Variants in CCSER1 observed in about 807,000 individuals in gnomAD.
CCSER1 encodes serine-rich coiled-coil domain-containing protein 1.
Under a neutral mutation model 82.0 loss-of-function variants are expected in CCSER1, and 41 were observed. The observed-to-expected ratio is 0.50, with a 90% CI of 0.39 to 0.65. The LOEUF is 0.65. CCSER1 is among the 30% of genes least tolerant of loss of function. The pLI, the probability that CCSER1 is intolerant of heterozygous loss-of-function variation, is 0.00. For synonymous variants in CCSER1, 414 were observed against 383.9 expected, an observed-to-expected ratio of 1.08 and a Z score of -0.92; for missense variants, 1,119 against 1,064.2, an observed-to-expected ratio of 1.05 and a Z score of -0.72.
intron 10 of CCSER1, among the ~76,000 whole-genome samples, chr4:91,184,118 C>A (rs780099868): frequency 1.3e-4 from 20 of 152,210 alleles, no homozygotes; most frequent in Non-Finnish European, 2.8e-4. Context: ...GTGATCATAA[C>A]ATTGGAGTAA....
chr4:90,597,550 T>G (rs1783489000), intron 5 of CCSER1, among the ~76,000 whole-genome samples: 1 of 152,058 alleles, frequency 6.6e-6, no homozygotes, highest in African/African-American at 2.4e-5. Flanking sequence ...AAAATACATT[T>G]GACTGTGTAT....
At chr4:90,946,519 T>C (rs1345521560) in intron 9 of CCSER1, among the ~76,000 whole-genome samples, 1 of 151,458 alleles carries the variant, frequency 6.6e-6, no homozygotes, top group African/African-American at 2.4e-5. Context: ...TAATCCCAAC[T>C]ATTCTGGAGG....
At chr4:91,349,429 GT>G (rs35668732) in intron 10 of CCSER1, among the ~76,000 whole-genome samples, 103,370 of 147,842 alleles carry the variant, frequency 0.7, 35,276 homozygotes, top group East Asian at 0.82. Context: ...TGATGTAATG[GT>G]TAAGTTGTAG....
intron 10 of CCSER1, among the ~76,000 whole-genome samples, chr4:91,461,080 TCTCA>T (rs1463012423): frequency 1.3e-5 from 2 of 152,200 alleles, no homozygotes; most frequent in Admixed American, 6.5e-5. Context: ...TTTTGAGTTC[TCTCA>T]CTATCTAGAT....
At chr4:90,802,675 C>T (rs558069893) in intron 7 of CCSER1, among the ~76,000 whole-genome samples, 1 of 152,254 alleles carries the variant, frequency 6.6e-6, no homozygotes, top group South Asian at 2.1e-4. Context: ...ATTTGAGAAG[C>T]AGTGCCTCCC....
At chr4:90,252,140 A>G (rs569934809) in intron 1 of CCSER1, among the ~76,000 whole-genome samples, 37 of 151,972 alleles carry the variant, frequency 2.4e-4, no homozygotes, top group Non-Finnish European at 4.9e-4. Flanking sequence ...GATTTTTTTT[A>G]GAATTTGGAA....
intron 10 of CCSER1, among the ~76,000 whole-genome samples, chr4:91,379,681 A>T (rs952738661): frequency 2.6e-5 from 4 of 151,760 alleles, no homozygotes; most frequent in Non-Finnish European, 5.9e-5. Flanking sequence ...ATTTTTGTTG[A>T]TCTTTTCAAA....
chr4:91,211,270 A>C (rs1480604090), intron 10 of CCSER1, among the ~76,000 whole-genome samples: 1 of 152,038 alleles, frequency 6.6e-6, no homozygotes, highest in Non-Finnish European at 1.5e-5. Context: ...AGTGGTGAGA[A>C]TCTGTTGGAT....
intron 5 of CCSER1, among the ~76,000 whole-genome samples, chr4:90,526,299 C>T (rs888336328): frequency 1.9e-4 from 29 of 152,204 alleles, no homozygotes; most frequent in Non-Finnish European, 2.9e-4. Flanking sequence ...ACCAAGTTTT[C>T]GAATCATAAC....
At chr4:90,910,412 A>G (rs2150187659) in intron 8 of CCSER1, among the ~76,000 whole-genome samples, 1 of 152,352 alleles carries the variant, frequency 6.6e-6, no homozygotes, top group Non-Finnish European at 1.5e-5. Context: ...CTCTAAATAT[A>G]CTAAGTTTTC....
intron 1 of CCSER1, among the ~76,000 whole-genome samples, chr4:90,275,582 G>A (rs1026473815): frequency 3.9e-5 from 6 of 152,034 alleles, no homozygotes; most frequent in African/African-American, 1.2e-4. Flanking sequence ...GTGCCCCTTC[G>A]ACAAAAATTT....
At chr4:90,592,366 T>C (rs17017223) in intron 5 of CCSER1, among the ~76,000 whole-genome samples, 3,508 of 152,244 alleles carry the variant, frequency 0.023, 56 homozygotes, top group Middle Eastern at 0.058. Flanking sequence ...GAGTCAAAAG[T>C]ATTCATTCAT....
At chr4:90,888,636 G>T (rs1417214066) in intron 8 of CCSER1, among the ~76,000 whole-genome samples, 2 of 152,056 alleles carry the variant, frequency 1.3e-5, no homozygotes, top group Non-Finnish European at 2.9e-5. Context: ...CTGTAACTTT[G>T]AGGAAATGCG....
intron 10 of CCSER1, among the ~76,000 whole-genome samples, chr4:91,134,762 T>A (rs1212170531): frequency 6.6e-6 from 1 of 152,060 alleles, no homozygotes; most frequent in Non-Finnish European, 1.5e-5. Flanking sequence ...ATATTTTCAG[T>A]CTTAAAATAC....
intron 5 of CCSER1, among the ~76,000 whole-genome samples, chr4:90,590,423 T>C (rs1782549159): frequency 1.3e-5 from 2 of 151,968 alleles, no homozygotes; most frequent in African/African-American, 4.8e-5. Flanking sequence ...CTACTAAAAG[T>C]ACAAAAATTA....
At chr4:91,333,385 T>C (rs1437586735) in intron 10 of CCSER1, among the ~76,000 whole-genome samples, 1 of 152,054 alleles carries the variant, frequency 6.6e-6, no homozygotes, top group Admixed American at 6.6e-5. Context: ...AGAAAAGCAT[T>C]GTAAACTCTG....
chr4:90,733,763 A>G (rs1745169024), intron 7 of CCSER1, among the ~76,000 whole-genome samples: 1 of 152,130 alleles, frequency 6.6e-6, no homozygotes, highest in African/African-American at 2.4e-5. Flanking sequence ...GTTTTCTGGC[A>G]TCATTTATTA....
At chr4:91,510,129 T>C (rs1759742401) in intron 10 of CCSER1, among the ~76,000 whole-genome samples, 1 of 152,206 alleles carries the variant, frequency 6.6e-6, no homozygotes, top group Non-Finnish European at 1.5e-5. Context: ...TGTTCCTGCA[T>C]TATTTCACTT....
At chr4:91,499,434 C>A (rs1018964748) in intron 10 of CCSER1, among the ~76,000 whole-genome samples, 1 of 151,976 alleles carries the variant, frequency 6.6e-6, no homozygotes, top group Non-Finnish European at 1.5e-5. Flanking sequence ...CATCCTGTAA[C>A]ACAGTGGTAC....
Sources: allele counts gnomAD v4.1 joint callset (sites outside exome capture counted in the v4.1 genomes callset), GRCh38; gene constraint gnomAD v4.1.1; transcripts MANE v1.5; gene names NCBI Gene and HGNC (gene_info 2026-07-23, HGNC 2026-07-21).